Variants in TBC1D8 observed in about 807,000 individuals in gnomAD.
The protein encoded by TBC1D8 is BUB2-like protein 1.
TBC1D8 carries 65 observed loss-of-function variants against 118.8 expected under a neutral mutation model. The ratio of observed to expected loss-of-function variants is 0.55; its 90% CI spans 0.45 to 0.67. TBC1D8 has a LOEUF of 0.67. Ranked by LOEUF, TBC1D8 falls within the 30% of genes least tolerant of loss-of-function variation. The pLI is 0.00. For synonymous variants in TBC1D8, 566 were observed against 595.8 expected (o/e 0.95, Z 0.73); for missense variants, 1,376 against 1,471.2 (o/e 0.94, Z 1.06).
intron 2 of TBC1D8, among the ~76,000 whole-genome samples, chr2:101,067,031 C>T (rs554254587): frequency 1.0e-3 from 151 of 151,712 alleles, no homozygotes; most frequent in African/African-American, 3.4e-3. Flanking sequence ...ATTACGAATC[C>T]TCCCATCTCC....
Position 101,122,737 on chromosome 2 carries a change from A to G in TBC1D8, c.127+28390T>C, listed in dbSNP as rs566234726. Among the ~76,000 whole-genome samples the G allele has an allele frequency of 9.9e-5, 15 of 152,280 alleles. No individual in the cohort carries two copies. The East Asian group carries it at 2.7e-3, about 27-fold the overall frequency. On this transcript the variant is annotated intron_variant, in intron 1 of 19. Coordinates refer to ENST00000409318, the MANE Select transcript of TBC1D8 (RefSeq NM_001330348.2). ...GACTATTTGAGTTTTCAATTAAAGG[A>G]TTTAAAATAAACTTTTAAACAAAAC...
rs70943064 is a variant in TBC1D8, at chr2:101,122,383, CAAAAAAAAAAAAAAAAA to C, written c.127+28727_127+28743del. On this transcript the variant is annotated intron_variant, in intron 1 of 19. Coordinates refer to ENST00000409318, the MANE Select transcript of TBC1D8 (RefSeq NM_001330348.2). Reference sequence around the variant, plus strand: ...ACCGCGCCCGGCCAAGACTCCATTTCAAAAAAAAAAAAAAAAAAAAAAAAAAAAGCATGGATAATGCC... The same window carrying C: ...ACCGCGCCCGGCCAAGACTCCATTTCAAAAAAAAAAAGCATGGATAATGCC... Among the ~76,000 whole-genome samples the C allele has an allele frequency of 2.5e-4, 18 of 71,944 alleles. No individual in the cohort carries two copies. The South Asian group carries it at 8.7e-3, about 35-fold the overall frequency. 47.2% of individuals were successfully genotyped at this position (71,944 alleles called of 152,430 possible).
At chr2:101,032,244 G>C (rs1413368932) in intron 11 of TBC1D8, 24 bp downstream of exon 11, 1 of 1,601,170 alleles carries the variant, frequency 6.2e-7, no homozygotes, top group East Asian at 2.2e-5. Context: ...CAGATACACA[G>C]GAGGAGGAAG....
At chr2:101,122,523 T>G (rs910930336) in intron 1 of TBC1D8, among the ~76,000 whole-genome samples, 9 of 151,998 alleles carry the variant, frequency 5.9e-5, no homozygotes, top group African/African-American at 1.9e-4. Flanking sequence ...TATAAAATCA[T>G]GACAGAAAGC....
At chr2:101,099,595 C>T (rs976245344) in intron 1 of TBC1D8, among the ~76,000 whole-genome samples, 6 of 152,086 alleles carry the variant, frequency 3.9e-5, no homozygotes, top group South Asian at 2.1e-4. Flanking sequence ...TGATGAGCAT[C>T]GATGTAAAAA....
chr2:101,109,534 T>C (rs1326895436), intron 1 of TBC1D8, among the ~76,000 whole-genome samples: 1 of 152,170 alleles, frequency 6.6e-6, no homozygotes, highest in East Asian at 1.9e-4. Flanking sequence ...GCAGCCCTAC[T>C]TAGTCCGTCC....
At chr2:101,121,402 C>G (rs1370222628) in intron 1 of TBC1D8, among the ~76,000 whole-genome samples, 2 of 152,164 alleles carry the variant, frequency 1.3e-5, no homozygotes, top group Non-Finnish European at 2.9e-5. Context: ...GTCCTATCCC[C>G]GGGGCTCAGG....
At chr2:101,047,898 T>TTGGTCCCTTG (rs1360245076) in intron 5 of TBC1D8, among the ~76,000 whole-genome samples, 8 of 152,240 alleles carry the variant, frequency 5.3e-5, no homozygotes, top group Admixed American at 1.3e-4. Flanking sequence ...CACAAGGGAT[T>TTGGTCCCTTG]TGGTGCTACA....
intron 18 of TBC1D8, chr2:101,011,234 A>T: frequency 1.5e-6 from 1 of 682,548 alleles, no homozygotes; most frequent in Non-Finnish European, 2.4e-6. Flanking sequence ...AACAGCAAAC[A>T]GGAGGAAGGA....
intron 9 of TBC1D8, 34 bp downstream of exon 9, chr2:101,035,984 G>A (rs758482902): frequency 6.2e-7 from 1 of 1,611,020 alleles, no homozygotes; most frequent in Admixed American, 1.7e-5. Context: ...ATGACAAAAA[G>A]AACAATTAGC....
chr2:101,059,776 A>G (rs939496452), intron 2 of TBC1D8, among the ~76,000 whole-genome samples: 1 of 152,160 alleles, frequency 6.6e-6, no homozygotes, highest in Non-Finnish European at 1.5e-5. Context: ...TGTCTCTACT[A>G]AAAATGCAAA....
At chr2:101,053,749 C>G (rs948081093) in intron 4 of TBC1D8, among the ~76,000 whole-genome samples, 4 of 152,182 alleles carry the variant, frequency 2.6e-5, no homozygotes, top group Non-Finnish European at 5.9e-5. Context: ...CCTTCAGCGC[C>G]AGGAATTTTT....
chr2:101,015,948 T>C (rs1258474294), intron 17 of TBC1D8, among the ~76,000 whole-genome samples: 1 of 151,830 alleles, frequency 6.6e-6, no homozygotes, highest in African/African-American at 2.4e-5. Context: ...ACTTAAACGT[T>C]AGACCTAAAA....
intron 2 of TBC1D8, among the ~76,000 whole-genome samples, chr2:101,072,879 A>C (rs575017993): frequency 1.1e-4 from 16 of 152,134 alleles, no homozygotes; most frequent in African/African-American, 3.9e-4. Flanking sequence ...CTGCCCCCCG[A>C]CCCAAACACT....
intron 1 of TBC1D8, among the ~76,000 whole-genome samples, chr2:101,112,457 G>A (rs1433743277): frequency 6.6e-6 from 1 of 152,220 alleles, no homozygotes; most frequent in Non-Finnish European, 1.5e-5. Context: ...GCCATAATGG[G>A]AGAAGGAAAA....
At chr2:101,101,578 C>G (rs1157513720) in intron 1 of TBC1D8, among the ~76,000 whole-genome samples, 1 of 152,112 alleles carries the variant, frequency 6.6e-6, no homozygotes, top group Non-Finnish European at 1.5e-5. Context: ...AATCATTCTA[C>G]TATAAAGATA....
chr2:101,012,850 A>G (rs1200910513), intron 17 of TBC1D8, among the ~76,000 whole-genome samples: 1 of 152,236 alleles, frequency 6.6e-6, no homozygotes, highest in East Asian at 1.9e-4. Flanking sequence ...ATGGCAGCAA[A>G]GCTTTGGAAA....
In TBC1D8 at chr2:101,033,595, C is replaced by T. The variant is rs746331545; in HGVS notation, c.1767G>A (p.Arg589=). The T allele has an allele frequency of 2.5e-6, 4 of 1,613,852 alleles. No individual in the cohort carries two copies. In the Admixed American group the frequency reaches 5.0e-5, roughly 20 times the overall value. The change falls in exon 10 of 20, where the codon AGG becomes AGA. Residue 589 remains arginine (R), a synonymous_variant. Transcript: ENST00000409318. The part of the protein sequence containing the change: ...FQNETGIAAL[R]RVLTAYAHRN... Reference sequence around the variant, plus strand: ...GGTGGGCATAGGCCGTCAAGACTCTCCTCAAAGCAGCAATTCCCGTTTCGT... The same window carrying T: ...GGTGGGCATAGGCCGTCAAGACTCTTCTCAAAGCAGCAATTCCCGTTTCGT...
chr2:101,062,468 T>C (rs890380008), intron 2 of TBC1D8, among the ~76,000 whole-genome samples: 1 of 152,192 alleles, frequency 6.6e-6, no homozygotes, highest in Non-Finnish European at 1.5e-5. Context: ...ACCTTTGTGG[T>C]GCTAGTCTGT....
Sources: allele counts gnomAD v4.1 joint callset (sites outside exome capture counted in the v4.1 genomes callset), GRCh38; gene constraint gnomAD v4.1.1; transcripts MANE v1.5; gene names NCBI Gene and HGNC (gene_info 2026-07-23, HGNC 2026-07-21).